Variants in BACH2 observed in about 807,000 individuals in gnomAD.
BACH2 encodes transcription regulator protein BACH2.
In BACH2, 5 loss-of-function variants were observed where a neutral mutation model predicts 61.8. The observed-to-expected ratio is 0.08, with a 90% CI of 0.04 to 0.17. The LOEUF (loss-of-function observed/expected upper bound fraction) is 0.17. BACH2 is among the 10% of genes least tolerant of loss of function. The pLI is 1.00. For missense variants in BACH2, 824 were observed against 1,091.1 expected (o/e 0.76, Z 3.45); for synonymous variants, 446 against 440.1 (o/e 1.01, Z -0.17).
intron 4 of BACH2, among the ~76,000 whole-genome samples, chr6:90,118,089 G>C (rs1462293891): frequency 1.3e-5 from 2 of 152,108 alleles, no homozygotes; most frequent in African/African-American, 4.8e-5. Context: ...GTCTAATAGA[G>C]AATGTAAGGG....
chr6:90,011,929 A>AT (rs1777735885), intron 5 of BACH2, among the ~76,000 whole-genome samples: 2 of 78,890 alleles, frequency 2.5e-5, no homozygotes, highest in Non-Finnish European at 2.8e-5. Context: ...CAAAAAAAAA[A>AT]ATATGTGTGT....
intron 1 of BACH2, among the ~76,000 whole-genome samples, chr6:90,289,081 G>C (rs1171218216): frequency 3.9e-5 from 6 of 152,168 alleles, no homozygotes; most frequent in African/African-American, 9.7e-5. Context: ...AAAGACAGGA[G>C]ATATACTCAC....
At chr6:90,112,725 C>A (rs1324595279) in intron 4 of BACH2, among the ~76,000 whole-genome samples, 1 of 152,128 alleles carries the variant, frequency 6.6e-6, no homozygotes, top group Non-Finnish European at 1.5e-5. Context: ...GCTAACAGCA[C>A]AATGACATAA....
chr6:89,983,466 C>T (rs377259506), intron 6 of BACH2, among the ~76,000 whole-genome samples: 1 of 152,068 alleles, frequency 6.6e-6, no homozygotes, highest in Non-Finnish European at 1.5e-5. Context: ...GTCAGGAGTT[C>T]GAGACCAGCC....
At chr6:90,145,901 G>A (rs564790545) in intron 4 of BACH2, among the ~76,000 whole-genome samples, 7 of 152,210 alleles carry the variant, frequency 4.6e-5, no homozygotes, top group Non-Finnish European at 1.0e-4. Context: ...CAATGTCCTT[G>A]TGTGTCTGGC....
chr6:89,992,074 TAC>T (rs1395990326), intron 6 of BACH2, among the ~76,000 whole-genome samples: 19 of 152,208 alleles, frequency 1.2e-4, no homozygotes, highest in African/African-American at 4.1e-4. Flanking sequence ...AACAAAAAGA[TAC>T]AGAGTCTCAC....
intron 4 of BACH2, among the ~76,000 whole-genome samples, chr6:90,098,998 C>G (rs756173098): frequency 3.3e-5 from 5 of 152,140 alleles, no homozygotes; most frequent in Non-Finnish European, 5.9e-5. Context: ...TCCCTTCTGT[C>G]TTCCTGTCAC....
intron 1 of BACH2, among the ~76,000 whole-genome samples, chr6:90,287,587 T>C (rs1040556272): frequency 6.6e-6 from 1 of 152,202 alleles, no homozygotes; most frequent in Non-Finnish European, 1.5e-5. Flanking sequence ...CTGACAAATG[T>C]ATTATTAAAA....
chr6:89,974,662 C>T (rs967924355), intron 6 of BACH2, among the ~76,000 whole-genome samples: 1 of 152,166 alleles, frequency 6.6e-6, no homozygotes, highest in Non-Finnish European at 1.5e-5. Context: ...CCATTAGCAC[C>T]TTCTGGCCTC....
At chr6:90,140,317 T>C (rs1220764067) in intron 4 of BACH2, among the ~76,000 whole-genome samples, 1 of 152,148 alleles carries the variant, frequency 6.6e-6, no homozygotes, top group Non-Finnish European at 1.5e-5. Context: ...AGCTACTTGG[T>C]GTCAAACTAG....
At chr6:89,940,849 A>T (rs906480159) in intron 7 of BACH2, among the ~76,000 whole-genome samples, 4 of 94,786 alleles carry the variant, frequency 4.2e-5, no homozygotes, top group African/African-American at 7.1e-5. Context: ...GAGATAGTTT[A>T]CAGTTTTTTT....
At chr6:90,073,657 T>C (rs944760845) in intron 5 of BACH2, among the ~76,000 whole-genome samples, 1 of 152,184 alleles carries the variant, frequency 6.6e-6, no homozygotes, top group Non-Finnish European at 1.5e-5. Flanking sequence ...CCAGACACCC[T>C]GACATGAGCG....
intron 4 of BACH2, among the ~76,000 whole-genome samples, chr6:90,121,405 T>A (rs1783618807): frequency 6.6e-6 from 1 of 152,156 alleles, no homozygotes; most frequent in Admixed American, 6.5e-5. Context: ...TTCTTGTTGT[T>A]TTTTCTGATT....
chr6:90,167,930 C>CTTTTT (rs1266467332), intron 4 of BACH2, among the ~76,000 whole-genome samples: 7 of 152,206 alleles, frequency 4.6e-5, no homozygotes, highest in Non-Finnish European at 8.8e-5. Context: ...CTGTATTTTA[C>CTTTTT]ACATGGATGT....
chr6:90,175,247 G>A (rs189893329), intron 4 of BACH2, among the ~76,000 whole-genome samples: 26 of 152,168 alleles, frequency 1.7e-4, no homozygotes, highest in Admixed American at 5.9e-4. Flanking sequence ...CTATATCTAA[G>A]TTTTGAAATT....
At chr6:90,110,854 T>C (rs1783135945) in intron 4 of BACH2, among the ~76,000 whole-genome samples, 1 of 152,204 alleles carries the variant, frequency 6.6e-6, no homozygotes, top group African/African-American at 2.4e-5. Flanking sequence ...TACACTCTGG[T>C]ATACGGTAGA....
At chr6:90,234,738 T>C (rs1360967655) in intron 3 of BACH2, among the ~76,000 whole-genome samples, 1 of 152,202 alleles carries the variant, frequency 6.6e-6, no homozygotes, top group Non-Finnish European at 1.5e-5. Context: ...AAGAAAATGA[T>C]ACATGTTATG....
At position 90,212,460 on chromosome 6, in the gene BACH2, T is replaced by C. The variant is rs564708416; in HGVS notation, c.-274-5779A>G. 2.0e-5 allele frequency among the ~76,000 whole-genome samples: 3 copies of C among 152,322 alleles called. No homozygotes were observed. The East Asian group carries it at 5.8e-4, about 29-fold the overall frequency. ...TACAGCAGATGTGTGGCTGTGGTTC[T>C]CCATGACTTCAGTGTCCTCGCCACC... is the stretch of plus-strand genomic sequence containing the variant. On this transcript the variant is annotated intron_variant, in intron 3 of 8. Coordinates refer to ENST00000257749, the MANE Select transcript of BACH2 (RefSeq NM_021813.4).
chr6:90,264,985 C>T (rs567678076), intron 2 of BACH2, among the ~76,000 whole-genome samples: 11 of 152,270 alleles, frequency 7.2e-5, no homozygotes, highest in Middle Eastern at 3.4e-3. Context: ...GACAAGAATG[C>T]TTTTTCAAAT....
Sources: allele counts gnomAD v4.1 joint callset (sites outside exome capture counted in the v4.1 genomes callset), GRCh38; gene constraint gnomAD v4.1.1; transcripts MANE v1.5; gene names NCBI Gene and HGNC (gene_info 2026-07-23, HGNC 2026-07-21).